Variants in RSRC1 observed in about 807,000 individuals in gnomAD.
RSRC1 encodes the protein arginine and serine rich coiled-coil 1.
A neutral mutation model predicts 49.1 loss-of-function variants in RSRC1; 39 were observed. The ratio of observed to expected loss-of-function variants is 0.79; its 90% CI spans 0.61 to 1.04. The LOEUF (loss-of-function observed/expected upper bound fraction) is 1.04. RSRC1 is among the 50% of genes least tolerant of loss of function. The probability of loss-of-function intolerance (pLI) is 0.00; values close to 1 mark genes in which losing one functional copy is unlikely to be tolerated. For missense variants in RSRC1, 388 were observed against 402.4 expected (o/e 0.96, Z 0.31); for synonymous variants, 143 against 130.8 (o/e 1.09, Z -0.63).
At chr3:158,153,772 C>A (rs1396156603) in intron 3 of RSRC1, among the ~76,000 whole-genome samples, 1 of 152,044 alleles carries the variant, frequency 6.6e-6, no homozygotes, top group African/African-American at 2.4e-5. Context: ...GTTTGTGAAC[C>A]AAGATTGTCT....
At chr3:158,433,030 TAA>T (rs1735858180) in intron 6 of RSRC1, among the ~76,000 whole-genome samples, 1 of 151,914 alleles carries the variant, frequency 6.6e-6, no homozygotes, top group African/African-American at 2.4e-5. Flanking sequence ...TTTTTCCTTA[TAA>T]GTTATATTTA....
chr3:158,334,647 ATT>A (rs1491245253), intron 5 of RSRC1, among the ~76,000 whole-genome samples: 2 of 52,790 alleles, frequency 3.8e-5, no homozygotes, highest in Admixed American at 1.9e-4. Context: ...CACCCAGCTA[ATT>A]TGTGTGTGTG....
chr3:158,485,421 A>T (rs1327951631), intron 7 of RSRC1, among the ~76,000 whole-genome samples: 2 of 152,150 alleles, frequency 1.3e-5, no homozygotes, highest in Non-Finnish European at 2.9e-5. Context: ...AACACAAAGG[A>T]TATAAAATGA....
At chr3:158,363,267 TTC>T (rs1731576125) in intron 6 of RSRC1, among the ~76,000 whole-genome samples, 1 of 132,180 alleles carries the variant, frequency 7.6e-6, no homozygotes, top group African/African-American at 3.3e-5. Flanking sequence ...TACTTTTTTT[TTC>T]TTTTTTTTTT....
chr3:158,147,588 T>C (rs1237604016), intron 3 of RSRC1, among the ~76,000 whole-genome samples: 1 of 152,194 alleles, frequency 6.6e-6, no homozygotes, highest in African/African-American at 2.4e-5. Context: ...TTCATTTTTT[T>C]GTAACCTAGA....
At chr3:158,458,921 AT>A (rs1333492367) in intron 6 of RSRC1, among the ~76,000 whole-genome samples, 1 of 152,142 alleles carries the variant, frequency 6.6e-6, no homozygotes, top group Non-Finnish European at 1.5e-5. Flanking sequence ...CAAAAAGAAC[AT>A]TTTTTCCAGA....
chr3:158,431,271 C>CAA (rs138074160), intron 6 of RSRC1, among the ~76,000 whole-genome samples: 91,444 of 150,898 alleles, frequency 0.61, 28,565 homozygotes, highest in African/African-American at 0.74. Context: ...TAAATCTCCA[C>CAA]AAAATTAGAT....
At chr3:158,207,662 T>TAGATAGATAGATAGACAGAC (rs55689613) in intron 4 of RSRC1, among the ~76,000 whole-genome samples, 3,903 of 149,014 alleles carry the variant, frequency 0.026, 182 homozygotes, top group African/African-American at 0.091. Context: ...GATAGATAGA[T>TAGATAGATAGATAGACAGAC]AGACAGAGAG....
intron 3 of RSRC1, among the ~76,000 whole-genome samples, chr3:158,142,759 A>C (rs984950002): frequency 2.8e-4 from 37 of 132,040 alleles, no homozygotes; most frequent in African/African-American, 9.7e-4. Flanking sequence ...CTGATGACCC[A>C]TACACCTCCC....
Position 158,368,807 on chromosome 3 carries a change from C to T in RSRC1, c.583+13899C>T, listed in dbSNP as rs80246760. Among the ~76,000 whole-genome samples the T allele has an allele frequency of 8.1e-3, 1,238 of 151,908 alleles. 12 individuals are homozygous for T. The highest frequency in any genetic ancestry group is 0.028 in the African/African-American group (1,175 of 41,456). On this transcript the variant is annotated intron_variant, in intron 6 of 9. Transcript: ENST00000611884. ...CCCTTTAATATCTTTAAATTTAAGC[C>T]ATTAAAATATCTGTACTGATAGTCA...
Position 158,176,847 on chromosome 3 carries a change from A to T in RSRC1, c.321-26225A>T, listed in dbSNP as rs531438432. Among the ~76,000 whole-genome samples the T allele has an allele frequency of 1.1e-4, 16 of 152,332 alleles. 1 individual carries two copies. Among genetic ancestry groups the T allele is most frequent in the African/African-American group, 3.8e-4 (16 of 41,588 alleles). On this transcript the variant is annotated intron_variant, in intron 3 of 9. Coordinates refer to ENST00000611884, the MANE Select transcript of RSRC1 (RefSeq NM_001271838.2). ...GCACGGCAAAAGAAACTACCATTAGAGTGAACAGGCAACCTACAGAATGGG... is the reference window on the plus strand; with the variant it reads ...GCACGGCAAAAGAAACTACCATTAGTGTGAACAGGCAACCTACAGAATGGG...
At chr3:158,208,763 C>A (rs139461679) in intron 4 of RSRC1, among the ~76,000 whole-genome samples, 28 of 152,188 alleles carry the variant, frequency 1.8e-4, no homozygotes, top group African/African-American at 6.7e-4. Flanking sequence ...AAATTGGATA[C>A]AACATTATTT....
intron 7 of RSRC1, among the ~76,000 whole-genome samples, chr3:158,529,046 A>G (rs1712218503): frequency 6.6e-6 from 1 of 151,732 alleles, no homozygotes; most frequent in African/African-American, 2.4e-5. Context: ...AACTTTTTAA[A>G]TTCATTTACA....
At chr3:158,203,445 T>G (rs987576030) in intron 4 of RSRC1, among the ~76,000 whole-genome samples, 200 bp downstream of exon 4, 1 of 152,154 alleles carries the variant, frequency 6.6e-6, no homozygotes, top group Non-Finnish European at 1.5e-5. Flanking sequence ...TGTGGTACAT[T>G]TTCATTTCTA....
chr3:158,223,863 A>G (rs1373189159), intron 4 of RSRC1, among the ~76,000 whole-genome samples: 3 of 151,590 alleles, frequency 2.0e-5, no homozygotes, highest in East Asian at 3.9e-4. Flanking sequence ...TGCCTCCTCC[A>G]GGGTCTTTGT....
rs1230714348 is a variant in RSRC1, at chr3:158,206,043, T to G, written c.494+2798T>G. Among the ~76,000 whole-genome samples, 21 of 152,290 alleles carry G rather than the reference T, an allele frequency of 1.4e-4. 1 individual carries two copies. The East Asian group carries it at 4.0e-3, about 29-fold the overall frequency. On this transcript the variant is annotated intron_variant, in intron 4 of 9. Coordinates refer to ENST00000611884, the MANE Select transcript of RSRC1 (RefSeq NM_001271838.2). Reference sequence around the variant, plus strand: ...ATAGTAAACTAACAGGAAGGCCGTATTTCAGTAAAACTATTTATAAAAATG... The same window carrying G: ...ATAGTAAACTAACAGGAAGGCCGTAGTTCAGTAAAACTATTTATAAAAATG...
intron 7 of RSRC1, among the ~76,000 whole-genome samples, chr3:158,488,981 A>G (rs991089306): frequency 6.6e-6 from 1 of 152,192 alleles, no homozygotes; most frequent in Non-Finnish European, 1.5e-5. Flanking sequence ...TGGTCAGTCC[A>G]TTTACTGAAG....
chr3:158,196,566 C>G (rs1246081324), intron 3 of RSRC1, among the ~76,000 whole-genome samples: 1 of 152,098 alleles, frequency 6.6e-6, no homozygotes, highest in Non-Finnish European at 1.5e-5. Context: ...AGAGGGCATC[C>G]CTGTCTTGTG....
chr3:158,217,756 G>A (rs1184337769), intron 4 of RSRC1, among the ~76,000 whole-genome samples: 1 of 106,620 alleles, frequency 9.4e-6, no homozygotes, highest in East Asian at 3.2e-4. Context: ...GGTCCAGTGT[G>A]TGTGTGTGTG....
Sources: allele counts gnomAD v4.1 joint callset (sites outside exome capture counted in the v4.1 genomes callset), GRCh38; gene constraint gnomAD v4.1.1; transcripts MANE v1.5; gene names NCBI Gene and HGNC (gene_info 2026-07-23, HGNC 2026-07-21).